The following P4HTM variants were observed in gnomAD, a reference collection of about 807,000 sequenced individuals.
P4HTM encodes prolyl 4-hydroxylase, transmembrane, also known as transmembrane prolyl 4-hydroxylase.
A neutral mutation model predicts 55.3 loss-of-function variants in P4HTM; 33 were observed. That is an observed-to-expected ratio of 0.60 (90% CI 0.45 to 0.80). P4HTM has a LOEUF of 0.80. Ranked by LOEUF, P4HTM falls within the 30% of genes least tolerant of loss-of-function variation. P4HTM has a pLI of 0.00. For missense variants in P4HTM, 542 were observed against 696.5 expected (o/e 0.78, Z 2.50); for synonymous variants, 272 against 286.4 (o/e 0.95, Z 0.51).
intron 8 of P4HTM, among the ~76,000 whole-genome samples, chr3:49,006,419 C>A (rs2092981653): frequency 6.6e-6 from 1 of 152,226 alleles, no homozygotes; most frequent in African/African-American, 2.4e-5. Context: ...CTTCCTACTC[C>A]CTGGGGCTTG....
Position 49,002,786 on chromosome 3 carries a change from C to A in P4HTM, c.724+190C>A, listed in dbSNP as rs559865305. ...CCTGGGAAGTAGGCAGGCAGCCAGG[C>A]CCCCCGTTCCCCTTGGTGATGGTCT... On this transcript the variant is annotated intron_variant, in intron 4 of 8. Transcript: ENST00000383729. This position sits in a 1 kb window ranked among gnomAD's most constrained non-coding sequence, Gnocchi z 4.4. The A allele has an allele frequency of 4.4e-6, 3 of 680,274 alleles. No homozygotes were observed. In the Admixed American group the frequency reaches 6.1e-5, roughly 14 times the overall value. 42.1% of individuals were successfully genotyped at this position (680,274 alleles called of 1,614,324 possible). A position where few individuals can be genotyped will look rare whatever the true frequency, so the allele number is the denominator to read the frequency against.
intron 8 of P4HTM, 101 bp downstream of exon 8, chr3:49,006,288 C>G: frequency 1.4e-6 from 2 of 1,381,176 alleles, no homozygotes; most frequent in Non-Finnish European, 2.0e-6. Context: ...GGCTGCTTTC[C>G]AAATAGTTTT....
intron 3 of P4HTM, 65 bp downstream of exon 3, chr3:49,001,693 A>G: frequency 7.1e-7 from 1 of 1,414,496 alleles, no homozygotes; most frequent in Non-Finnish European, 9.7e-7. Flanking sequence ...TCTGGTGGCC[A>G]GGTCACTTGT....
chr3:48,991,694 G>A (rs1395242112), intron 2 of P4HTM: 1 of 152,244 alleles, frequency 6.6e-6, no homozygotes, highest in African/African-American at 2.4e-5. Flanking sequence ...TGCCTCTAAG[G>A]CCTATGCAGT....
chr3:48,997,421 C>T (rs1054012930), intron 2 of P4HTM: 3 of 152,454 alleles, frequency 2.0e-5, no homozygotes, highest in Admixed American at 2.0e-4. Context: ...AGGGTGGGCT[C>T]CAGCTCTGCA....
At chr3:49,003,377 C>T (rs1471280806) in intron 4 of P4HTM, 3 of 158,828 alleles carry the variant, frequency 1.9e-5, no homozygotes, top group Admixed American at 1.8e-4. Context: ...CTTGAATGTC[C>T]CCCACCCTCA....
chr3:48,993,075 G>A (rs1047105883), intron 2 of P4HTM, among the ~76,000 whole-genome samples: 6 of 152,028 alleles, frequency 3.9e-5, no homozygotes, highest in Admixed American at 3.3e-4. Context: ...AGGTCGAGGC[G>A]GGTGGATCAC....
intron 5 of P4HTM, 63 bp from the exon 6 acceptor site, chr3:49,004,798 G>C: frequency 6.5e-7 from 1 of 1,543,104 alleles, no homozygotes; most frequent in Non-Finnish European, 8.7e-7. Flanking sequence ...GTCCACCTTG[G>C]CCAGCTCCTT....
intron 6 of P4HTM, chr3:49,005,387 A>C (rs919877507): frequency 7.1e-7 from 1 of 1,404,144 alleles, no homozygotes. Context: ...AGAGAAGCTG[A>C]AGCTGTGCCT....
chr3:48,996,619 C>T (rs528750969), intron 2 of P4HTM, among the ~76,000 whole-genome samples: 76 of 152,280 alleles, frequency 5.0e-4, no homozygotes, highest in African/African-American at 1.6e-3. Flanking sequence ...CTCAGCCTCC[C>T]GAAGTGCTGG....
intron 5 of P4HTM, chr3:49,004,549 G>A: frequency 3.6e-6 from 2 of 551,916 alleles, no homozygotes; most frequent in South Asian, 4.9e-5. Flanking sequence ...CCCCGTCACA[G>A]CAGGAAAAGG....
rs2092953961 is a variant in P4HTM, at chr3:48,999,031, A to G, written c.437-2407A>G. ...CACCTGCCCTATCTTGACATTCAAG[A>G]GCCCTTGACCACCATTGATGGTCTC... is the stretch of plus-strand genomic sequence containing the variant. On this transcript the variant is annotated intron_variant, in intron 2 of 8. Coordinates refer to ENST00000383729, the MANE Select transcript of P4HTM (RefSeq NM_177939.3). The surrounding 1 kb of genome is among the most constrained non-coding windows in gnomAD (Gnocchi z 4.8). 6.6e-6 allele frequency among the ~76,000 whole-genome samples: 1 copy of G among 152,136 alleles called. No homozygotes were observed. The highest frequency in any genetic ancestry group is 6.5e-5 in the Admixed American group (1 of 15,276).
chr3:49,002,678 T>C lies in P4HTM; in HGVS notation c.724+82T>C, dbSNP rs1281115662. On this transcript the variant is annotated intron_variant, in intron 4 of 8. Coordinates refer to ENST00000383729, the MANE Select transcript of P4HTM (RefSeq NM_177939.3). The surrounding 1 kb of genome is among the most constrained non-coding windows in gnomAD (Gnocchi z 4.4). ...TGCACAATTTTGAAAACTTGGGCCCTTCCCCCACAGCCAGGCAGCCTCTCT... is the reference window on the plus strand; with the variant it reads ...TGCACAATTTTGAAAACTTGGGCCCCTCCCCCACAGCCAGGCAGCCTCTCT... The C allele has an allele frequency of 1.9e-6, 2 of 1,046,318 alleles. No individual in the cohort carries two copies. Among genetic ancestry groups the C allele is most frequent in the South Asian group, 2.5e-5 (2 of 79,676 alleles). The allele number at this position is 1,046,318 out of a possible 1,614,324, so 64.8% of individuals were successfully genotyped here. A position where few individuals can be genotyped will look rare whatever the true frequency, so the allele number is the denominator to read the frequency against.
chr3:48,998,605 C>G (rs1055155397), intron 2 of P4HTM, among the ~76,000 whole-genome samples: 1 of 152,204 alleles, frequency 6.6e-6, no homozygotes, highest in Non-Finnish European at 1.5e-5. Context: ...CCTCTCCCTC[C>G]GGCTCTGTGG....
Position 48,990,647 on chromosome 3 carries a change from G to A in P4HTM, c.354+37G>A. The A allele has an allele frequency of 2.0e-6, 3 of 1,509,040 alleles. No homozygotes were observed. Among genetic ancestry groups the A allele is most frequent in the Non-Finnish European group, 2.7e-6 (3 of 1,127,516 alleles). 93.5% of individuals were successfully genotyped at this position (1,509,040 alleles called of 1,614,324 possible). ...CCTGCCCCGCCGCGCTCCAGGCCCT[G>A]CACGGCTGAGCCCGAGAGGACCGGC... is the stretch of plus-strand genomic sequence containing the variant. On this transcript the variant is annotated intron_variant, in intron 1 of 8. Coordinates refer to ENST00000383729, the MANE Select transcript of P4HTM (RefSeq NM_177939.3). This position sits in a 1 kb window ranked among gnomAD's most constrained non-coding sequence, Gnocchi z 7.2.
In P4HTM at chr3:49,001,542, G is replaced by A. The variant is rs764744092; in HGVS notation, c.541G>A (p.Glu181Lys). 4 of 1,613,802 alleles carry A rather than the reference G, an allele frequency of 2.5e-6. No homozygotes were observed. In the African/African-American group the frequency reaches 5.3e-5, roughly 22 times the overall value. ...SQILPTEEYE[E>K]AMSTMQVSQL... Reference sequence around the variant, plus strand: ...GATCCTGCCTACTGAAGAGTATGAAGAGGCAATGAGCACTATGCAGGTCAG... The same window carrying A: ...GATCCTGCCTACTGAAGAGTATGAAAAGGCAATGAGCACTATGCAGGTCAG... The change falls in exon 3 of 9, where the codon GAG becomes AAG. Residue 181 changes from glutamate (E) to lysine (K), a missense_variant. Glu to Lys is a moderately conservative substitution (Grantham distance 56). Coordinates refer to ENST00000383729, the MANE Select transcript of P4HTM (RefSeq NM_177939.3).
At position 49,002,799 on chromosome 3, in the gene P4HTM, T is replaced by C; in HGVS notation, c.724+203T>C. 1 of 672,156 alleles carries C rather than the reference T, an allele frequency of 1.5e-6. No individual in the cohort carries two copies. Among genetic ancestry groups the C allele is most frequent in the Non-Finnish European group, 2.7e-6 (1 of 366,224 alleles). 41.6% of individuals were successfully genotyped at this position (672,156 alleles called of 1,614,324 possible). Reference sequence around the variant, plus strand: ...CAGGCAGCCAGGCCCCCCGTTCCCCTTGGTGATGGTCTCGAGGGCAGTTCT... The same window carrying C: ...CAGGCAGCCAGGCCCCCCGTTCCCCCTGGTGATGGTCTCGAGGGCAGTTCT... On this transcript the variant is annotated intron_variant, in intron 4 of 8. Coordinates refer to ENST00000383729, the MANE Select transcript of P4HTM (RefSeq NM_177939.3). This position sits in a 1 kb window ranked among gnomAD's most constrained non-coding sequence, Gnocchi z 4.4.
intron 6 of P4HTM, 118 bp from the exon 7 acceptor site, chr3:49,005,659 C>T: frequency 6.9e-7 from 1 of 1,458,976 alleles, no homozygotes; most frequent in African/African-American, 1.4e-5. Context: ...TATTGTCTCC[C>T]ATCCTAGTCT....
chr3:49,006,721 C>CG lies in P4HTM; in HGVS notation c.1328dup (p.Cys444LeufsTer16), dbSNP rs34544171. ...GTGACGTAGACGACTACTCGCTGCA[C>CG]GGGGGCTGCCTGGTCACGCGCGGCA... is the stretch of plus-strand genomic sequence containing the variant. On this transcript the variant is annotated frameshift_variant, in exon 9 of 9. Transcript: ENST00000383729. LOFTEE classifies it high-confidence loss of function. The CG allele has an allele frequency of 6.2e-7, 1 of 1,613,698 alleles. No homozygotes were observed. Among genetic ancestry groups the CG allele is most frequent in the Non-Finnish European group, 8.5e-7 (1 of 1,180,034 alleles).
Sources: allele counts gnomAD v4.1 joint callset (sites outside exome capture counted in the v4.1 genomes callset), GRCh38; gene constraint gnomAD v4.1.1; non-coding constraint Gnocchi (gnomAD v3.1); transcripts MANE v1.5; gene names NCBI Gene and HGNC (gene_info 2026-07-23, HGNC 2026-07-21).